TAF7L: variants seen among roughly 807,000 people sequenced by gnomAD.
TAF7L encodes the protein transcription initiation factor TFIID subunit 7-like.
In TAF7L, 6 loss-of-function variants were observed where a neutral mutation model predicts 30.2. That is an observed-to-expected ratio of 0.20 (90% CI 0.11 to 0.39). The LOEUF is 0.39. Among genes scored for constraint, TAF7L ranks in the 10% least tolerant of loss-of-function variants. The probability of loss-of-function intolerance (pLI) is 1.00; values close to 1 mark genes in which losing one functional copy is unlikely to be tolerated. For missense variants in TAF7L, 284 were observed against 277.1 expected (o/e 1.03, Z -0.18); for synonymous variants, 93 against 94.5 (o/e 0.98, Z 0.09).
intron 11 of TAF7L, among the ~76,000 whole-genome samples, chrX:101,275,792 C>G (rs1293688295): frequency 9.0e-6 from 1 of 111,510 alleles, no homozygotes; most frequent in Non-Finnish European, 1.9e-5. Context: ...CTCATATCAC[C>G]TAGTCCCTTC....
At chrX:101,277,100 C>T (rs1374426976) in intron 9 of TAF7L, among the ~76,000 whole-genome samples, 4 of 97,000 alleles carry the variant, frequency 4.1e-5, no homozygotes, top group Non-Finnish European at 6.0e-5. Flanking sequence ...TGCAGTGAGC[C>T]GAGATCGCAC....
intron 4 of TAF7L, 103 bp from the exon 5 acceptor site, chrX:101,282,556 G>T: frequency 1.1e-6 from 1 of 929,240 alleles, no homozygotes; most frequent in Non-Finnish European, 1.5e-6. Context: ...ACTGATACTT[G>T]CCATTTCCAG....
intron 1 of TAF7L, among the ~76,000 whole-genome samples, chrX:101,290,580 C>T (rs1306785460): frequency 8.9e-6 from 1 of 111,833 alleles, no homozygotes; most frequent in Admixed American, 9.5e-5. Context: ...TTTGGTAATT[C>T]CTCTTTTATG....
intron 6 of TAF7L, among the ~76,000 whole-genome samples, chrX:101,279,658 A>T (rs1160383425): frequency 9.0e-6 from 1 of 111,200 alleles, no homozygotes; most frequent in Non-Finnish European, 1.9e-5. Flanking sequence ...AAAGATATGG[A>T]CTCTAGAATG....
At chrX:101,291,364 G>C, upstream of TAF7L, 5 of 673,688 alleles carry the variant, frequency 7.4e-6, no homozygotes, top group Non-Finnish European at 7.1e-6. Flanking sequence ...GACAGTAAAA[G>C]CGGCGCGCGC....
intron 4 of TAF7L, among the ~76,000 whole-genome samples, chrX:101,283,180 C>G (rs1924475019): frequency 9.0e-6 from 1 of 111,652 alleles, no homozygotes; most frequent in Non-Finnish European, 1.9e-5. Flanking sequence ...TTCAGAAGAT[C>G]CCAGCAGCTC....
intron 12 of TAF7L, among the ~76,000 whole-genome samples, chrX:101,272,738 G>A (rs757701663): frequency 2.6e-4 from 29 of 111,312 alleles, no homozygotes; most frequent in African/African-American, 9.5e-4. Context: ...CTCTGAATAT[G>A]CTAAAAGCCA....
At chrX:101,273,870 C>T (rs1312093999) in intron 12 of TAF7L, among the ~76,000 whole-genome samples, 1 of 112,198 alleles carries the variant, frequency 8.9e-6, no homozygotes, top group Non-Finnish European at 1.9e-5. Flanking sequence ...TTAATCCTTC[C>T]GGTCTCAGCT....
At position 101,282,346 on chromosome X, in the gene TAF7L, T is replaced by C; in HGVS notation, c.387A>G (p.Lys129=). The change falls in exon 5 of 13, where the codon AAA becomes AAG. Residue 129 remains lysine (K), a synonymous_variant. Coordinates refer to ENST00000356784, the MANE Select transcript of TAF7L (RefSeq NM_001168474.2). ...VRKKERGREE[K]CVWKHGITPP... ...ACTTACTGCCATGCTTCCAGACACATTTTTCTTCTCTCCCCCTTTCTTTTT... is the reference window on the plus strand; with the variant it reads ...ACTTACTGCCATGCTTCCAGACACACTTTTCTTCTCTCCCCCTTTCTTTTT... 2 of 1,210,599 alleles carry C rather than the reference T, an allele frequency of 1.7e-6. No individual in the cohort carries two copies. The highest frequency in any genetic ancestry group is 2.2e-6 in the Non-Finnish European group (2 of 894,778).
At chrX:101,285,058 A>G (rs766776304) in intron 3 of TAF7L, among the ~76,000 whole-genome samples, 9 of 111,206 alleles carry the variant, frequency 8.1e-5, no homozygotes, top group Non-Finnish European at 1.7e-4. Flanking sequence ...TAATGCTACA[A>G]TGAATATGGG....
rs1924160098 is a variant in TAF7L, at chrX:101,276,045, T to C, written c.981A>G (p.Gln327=). 8.3e-7 allele frequency: 1 copy of C among 1,206,016 alleles called. No individual in the cohort carries two copies. Among genetic ancestry groups the C allele is most frequent in the Non-Finnish European group, 1.1e-6 (1 of 893,992 alleles). ...CTTTCATGATGAGATCCTTCTGTCT[T>C]TGTGCTTTATTCTGAATCTTATGGA... ...KKLHKIQNKA[Q]RQKDLIMKVE... Residue 327 remains glutamine, a synonymous_variant, in exon 11 of 13, where the codon CAA becomes CAG. Transcript: ENST00000356784.
At position 101,276,021 on chromosome X, in the gene TAF7L, T is replaced by C; in HGVS notation, c.1005A>G (p.Lys335=). The C allele has an allele frequency of 8.4e-7, 1 of 1,196,047 alleles. No homozygotes were observed. The highest frequency in any genetic ancestry group is 1.9e-5 in the South Asian group (1 of 53,699). Residue 335 remains lysine, a synonymous_variant, in exon 11 of 13, where the codon AAA becomes AAG. Transcript: ENST00000356784. ...TTACCTTGAGTGTCAGGTTTTCCAC[T>C]TTCATGATGAGATCCTTCTGTCTTT... ...KAQRQKDLIM[K]VENLTLKNHF...
chrX:101,276,976 A>C (rs959977838), intron 9 of TAF7L, among the ~76,000 whole-genome samples: 1 of 106,783 alleles, frequency 9.4e-6, no homozygotes, highest in Non-Finnish European at 1.9e-5. Flanking sequence ...CTTACAAAAA[A>C]AAAAAAAAGA....
intron 9 of TAF7L, 39 bp from the exon 10 acceptor site, chrX:101,276,567 ACT>A (rs763272302): frequency 1.7e-6 from 2 of 1,182,380 alleles, no homozygotes; most frequent in Non-Finnish European, 1.1e-6. Context: ...ACTATCTAAA[ACT>A]CTGCAAATGA....
chrX:101,277,922 AG>A (rs1440718802), intron 8 of TAF7L, 126 bp downstream of exon 8: 7 of 621,494 alleles, frequency 1.1e-5, no homozygotes, highest in African/African-American at 6.7e-5. Flanking sequence ...GTTCCTAGCT[AG>A]AACATTTCAA....
chrX:101,274,661 T>C (rs914475103), intron 12 of TAF7L, among the ~76,000 whole-genome samples: 6 of 111,477 alleles, frequency 5.4e-5, no homozygotes, highest in Non-Finnish European at 7.5e-5. Flanking sequence ...GGCTGGTTCC[T>C]ACCTTGTGCC....
chrX:101,270,093 T>A, intron 12 of TAF7L, among the ~76,000 whole-genome samples: 1 of 112,066 alleles, frequency 8.9e-6, no homozygotes, highest in Middle Eastern at 4.6e-3. Flanking sequence ...AGCCTGATGA[T>A]GTTCTACTTA....
rs190482039 is a variant in TAF7L at position 101,275,394 on chromosome X, A to C, written c.1027-113T>G. 4.8e-5 allele frequency: 26 copies of C among 538,465 alleles called. No individual in the cohort carries two copies. In the East Asian group the frequency reaches 9.0e-4, roughly 19 times the overall value. 44.4% of individuals were successfully genotyped at this position (538,465 alleles called of 1,213,427 possible). A position where few individuals can be genotyped will look rare whatever the true frequency, so the allele number is the denominator to read the frequency against. On this transcript the variant is annotated intron_variant, in intron 11 of 12. Transcript: ENST00000356784. ...GTTTTTGTTTTTGTTTTTGAGGCGG[A>C]ATCTTCCTCTGTCACCCAGGCTGGA...
chrX:101,286,192 A>AAAAGAAAGAAAGAAAG (rs1005206920), intron 3 of TAF7L, among the ~76,000 whole-genome samples: 1 of 106,254 alleles, frequency 9.4e-6, no homozygotes, highest in Non-Finnish European at 1.9e-5. Flanking sequence ...AAAAAAAAAA[A>AAAAGAAAGAAAGAAAG]AAAGAAAGAA....
Sources: gnomAD v4.1 joint callset for allele counts (sites outside exome capture counted in the v4.1 genomes callset) on GRCh38, gnomAD v4.1.1 for gene constraint, MANE v1.5 for transcripts, NCBI Gene and HGNC (gene_info 2026-07-23, HGNC 2026-07-21) for gene names.